LTBP1: variants seen among roughly 807,000 people sequenced by gnomAD.
LTBP1 encodes the protein latent transforming growth factor beta binding protein 1.
Under a neutral mutation model 207.6 loss-of-function variants are expected in LTBP1, and 129 were observed. The observed-to-expected ratio is 0.62, with a 90% confidence interval of 0.54 to 0.72. The LOEUF (loss-of-function observed/expected upper bound fraction) is 0.72. Ranked by LOEUF, LTBP1 falls within the 30% of genes least tolerant of loss-of-function variation. The pLI is 0.00. For missense variants in LTBP1, 2,281 were observed against 2,217.2 expected (o/e 1.03, Z -0.58); for synonymous variants, 963 against 833.7 (o/e 1.16, Z -2.67).
At chr2:33,069,587 G>C (rs1472485721) in intron 3 of LTBP1, among the ~76,000 whole-genome samples, 3 of 152,182 alleles carry the variant, frequency 2.0e-5, no homozygotes, top group Admixed American at 2.0e-4. Flanking sequence ...GCACAGCCTG[G>C]AAGTTGTCAG....
intron 2 of LTBP1, among the ~76,000 whole-genome samples, chr2:32,990,442 T>G (rs1198544151): frequency 6.6e-6 from 1 of 151,990 alleles, no homozygotes; most frequent in Non-Finnish European, 1.5e-5. Flanking sequence ...ACTAATGGAG[T>G]TCCATGTAAA....
At chr2:33,364,874 A>G (rs2094966177) in intron 30 of LTBP1, among the ~76,000 whole-genome samples, 1 of 152,232 alleles carries the variant, frequency 6.6e-6, no homozygotes, top group African/African-American at 2.4e-5. Flanking sequence ...GATGAAGTCA[A>G]TTGAAAGGTA....
chr2:33,130,597 G>T (rs930435636), intron 4 of LTBP1, among the ~76,000 whole-genome samples: 2 of 152,044 alleles, frequency 1.3e-5, no homozygotes, highest in Non-Finnish European at 2.9e-5. Context: ...TTTTTATCAC[G>T]GGAGGAGGGG....
chr2:33,375,704 A>ATTTTTTT (rs985682071), intron 31 of LTBP1, among the ~76,000 whole-genome samples: 2 of 113,782 alleles, frequency 1.8e-5, no homozygotes, highest in East Asian at 5.3e-4. Flanking sequence ...ATTTTTTTGT[A>ATTTTTTT]TTTTTTTTTT....
intron 26 of LTBP1, among the ~76,000 whole-genome samples, chr2:33,352,673 C>G (rs2094798265): frequency 6.6e-6 from 1 of 152,178 alleles, no homozygotes; most frequent in Non-Finnish European, 1.5e-5. Context: ...AATTCCTGCT[C>G]CACACTGCTG....
intron 3 of LTBP1, among the ~76,000 whole-genome samples, chr2:33,092,813 C>A (rs1350010446): frequency 6.6e-6 from 1 of 152,186 alleles, no homozygotes; most frequent in Non-Finnish European, 1.5e-5. Flanking sequence ...ATTTCCATGA[C>A]CCTAAATTCT....
chr2:32,988,498 A>G (rs537272296), intron 2 of LTBP1, among the ~76,000 whole-genome samples: 18 of 152,324 alleles, frequency 1.2e-4, no homozygotes, highest in Admixed American at 5.9e-4. Context: ...TAATCAGCTA[A>G]TGGTGCAGTT....
rs376040958 is a variant in LTBP1, at chr2:33,226,717, T to C, written c.1876+4566T>C. On this transcript the variant is annotated intron_variant, in intron 9 of 33. Coordinates refer to ENST00000404816, the MANE Select transcript of LTBP1 (RefSeq NM_206943.4). ...AACTTCTGGGTCACTGTCGTGGCAT[T>C]TGTGAACTGTCATAGTGCTGGTAGG... Among the ~76,000 whole-genome samples, 5 of 152,312 alleles carry C rather than the reference T, an allele frequency of 3.3e-5. No homozygotes were observed. In the East Asian group the frequency reaches 9.6e-4, roughly 29 times the overall value.
intron 29 of LTBP1, 37 bp from the exon 30 acceptor site, chr2:33,364,179 C>T: frequency 6.2e-7 from 1 of 1,606,682 alleles, no homozygotes. Flanking sequence ...CAACTGATGG[C>T]TGATTTTCTT....
At chr2:33,271,873 T>C (rs746419759) in intron 15 of LTBP1, among the ~76,000 whole-genome samples, 46 of 152,200 alleles carry the variant, frequency 3.0e-4, no homozygotes, top group Non-Finnish European at 8.8e-5. Flanking sequence ...GCCAGTCACT[T>C]AAGTTTAGGC....
In LTBP1 at chr2:33,363,535, T is replaced by C; in HGVS notation, c.4399+17T>C. On this transcript the variant is annotated intron_variant, in intron 29 of 33. Transcript: ENST00000404816. ...AGTGCTTTGGTAAGCTTTAGGGGGA[T>C]ATAGTATGGTGTACTGTGAAAATAT... 1 of 1,612,404 alleles carries C rather than the reference T, an allele frequency of 6.2e-7. No homozygotes were observed. Among genetic ancestry groups the C allele is most frequent in the Non-Finnish European group, 8.5e-7 (1 of 1,179,070 alleles).
chr2:33,062,556 T>G (rs1429520577), intron 3 of LTBP1, among the ~76,000 whole-genome samples: 1 of 152,226 alleles, frequency 6.6e-6, no homozygotes, highest in Non-Finnish European at 1.5e-5. Context: ...GAAAAGAGTT[T>G]CTTTTCTCCG....
intron 28 of LTBP1, among the ~76,000 whole-genome samples, chr2:33,362,656 C>T (rs908374817): frequency 5.9e-5 from 9 of 152,166 alleles, no homozygotes; most frequent in African/African-American, 2.2e-4. Flanking sequence ...TTAAGCAAGT[C>T]ATCTATGGAG....
chr2:33,132,936 A>T (rs1208577972), intron 4 of LTBP1, among the ~76,000 whole-genome samples: 3 of 152,288 alleles, frequency 2.0e-5, no homozygotes, highest in Middle Eastern at 6.8e-3. Flanking sequence ...CCAAATTAGG[A>T]TTAATGTGTG....
chr2:33,255,432 C>T (rs1484430401), intron 11 of LTBP1, among the ~76,000 whole-genome samples: 1 of 152,052 alleles, frequency 6.6e-6, no homozygotes, highest in Non-Finnish European at 1.5e-5. Flanking sequence ...GGCGATTCCT[C>T]AGGGATCTAG....
At chr2:33,116,238 C>T (rs1005513967) in intron 4 of LTBP1, among the ~76,000 whole-genome samples, 5 of 152,214 alleles carry the variant, frequency 3.3e-5, no homozygotes, top group African/African-American at 9.6e-5. Context: ...ATATTTGGAA[C>T]GATTTAGAAA....
chr2:33,316,115 A>G (rs2094267569), intron 24 of LTBP1, among the ~76,000 whole-genome samples: 3 of 152,256 alleles, frequency 2.0e-5, no homozygotes, highest in South Asian at 4.1e-4. Flanking sequence ...TTGGCTTCCT[A>G]CTTACAACCT....
intron 7 of LTBP1, among the ~76,000 whole-genome samples, chr2:33,203,055 A>T (rs188015633): frequency 8.2e-6 from 1 of 121,594 alleles, no homozygotes; most frequent in African/African-American, 3.2e-5. Context: ...AGAAATATTT[A>T]ATTGAGTGTT....
intron 3 of LTBP1, among the ~76,000 whole-genome samples, chr2:33,059,846 C>A (rs1293809859): frequency 2.6e-5 from 4 of 152,102 alleles, no homozygotes; most frequent in Non-Finnish European, 5.9e-5. Flanking sequence ...GAGAAAAAAA[C>A]CAGACACATC....
Sources: gnomAD v4.1 joint callset for allele counts (sites outside exome capture counted in the v4.1 genomes callset) on GRCh38, gnomAD v4.1.1 for gene constraint, MANE v1.5 for transcripts, NCBI Gene and HGNC (gene_info 2026-07-23, HGNC 2026-07-21) for gene names.